ADH5: variants seen among roughly 807,000 people sequenced by gnomAD.
ADH5 encodes the protein alcohol dehydrogenase class-3.
A neutral mutation model predicts 40.3 loss-of-function variants in ADH5; 32 were observed. That is an observed-to-expected ratio of 0.79 (90% CI 0.60 to 1.07). The LOEUF (loss-of-function observed/expected upper bound fraction) is 1.07. Among genes scored for constraint, ADH5 ranks in the 50% least tolerant of loss-of-function variants. The pLI, the probability that ADH5 is intolerant of heterozygous loss-of-function variation, is 0.00. For missense variants in ADH5, 353 were observed against 460.5 expected (o/e 0.77, Z 2.14); for synonymous variants, 125 against 154.3 (o/e 0.81, Z 1.41).
chr4:99,074,968 T>G lies in ADH5; in HGVS notation c.907A>C (p.Thr303Pro). 1 of 1,613,074 alleles carries G rather than the reference T, an allele frequency of 6.2e-7. No homozygotes were observed. Among genetic ancestry groups the G allele is most frequent in the Non-Finnish European group, 8.5e-7 (1 of 1,179,424 alleles). The change falls in exon 7 of 9, where the codon ACT (threonine) becomes CCT (proline). Residue 303 changes from threonine to proline, a missense_variant. Coordinates refer to ENST00000296412, the MANE Select transcript of ADH5 (RefSeq NM_000671.4). ...GVAASGEEIA[T>P]RPFQLVTGRT... is the part of the protein sequence containing the mutation. ...CCTGTTACCAGCTGGAATGGACGAGTGGCAATTTCTTCACCTGAAGCAGCT... is the reference window on the plus strand; with the variant it reads ...CCTGTTACCAGCTGGAATGGACGAGGGGCAATTTCTTCACCTGAAGCAGCT...
chr4:99,082,776 A>C (rs1728051810), intron 2 of ADH5, among the ~76,000 whole-genome samples: 1 of 152,130 alleles, frequency 6.6e-6, no homozygotes, highest in Admixed American at 6.5e-5. Flanking sequence ...TCCTGGGTTC[A>C]AGTGATTCTC....
intron 4 of ADH5, chr4:99,080,610 A>C (rs1728011176): frequency 1.3e-5 from 2 of 152,390 alleles, no homozygotes. Context: ...TGTGAAAAAT[A>C]AATGTTTCTT....
intron 4 of ADH5, 144 bp from the exon 5 acceptor site, chr4:99,077,067 G>T: frequency 1.6e-6 from 1 of 642,246 alleles, no homozygotes; most frequent in Non-Finnish European, 2.7e-6. Context: ...TAGTAATTTA[G>T]CACCTTGCAG....
intron 1 of ADH5, 135 bp downstream of exon 1, chr4:99,088,554 G>A (rs1728196731): frequency 1.1e-6 from 1 of 886,722 alleles, no homozygotes; most frequent in African/African-American, 1.7e-5. Context: ...CCGCTCGCTG[G>A]GGGCCCAGTT....
intron 6 of ADH5, chr4:99,075,973 G>C: frequency 4.3e-6 from 1 of 229,998 alleles, no homozygotes; most frequent in Non-Finnish European, 8.6e-6. Flanking sequence ...TGTTTGTTCA[G>C]GGTCACTGAG....
At chr4:99,075,173 C>T (rs1188155196) in intron 6 of ADH5, 124 bp from the exon 7 acceptor site, 2 of 761,444 alleles carry the variant, frequency 2.6e-6, no homozygotes, top group Non-Finnish European at 4.0e-6. Flanking sequence ...CCAAACTTAA[C>T]ATTTAGTGAG....
rs888476056 is a variant in ADH5 at position 99,076,716 on chromosome 4, C to A, written c.552G>T (p.Val184=). 6.2e-7 allele frequency: 1 copy of A among 1,613,768 alleles called. No individual in the cohort carries two copies. The highest frequency in any genetic ancestry group is 1.1e-5 in the South Asian group (1 of 91,042). The change falls in exon 5 of 9, where the codon GTG becomes GTT. Residue 184 remains valine (V), a synonymous_variant. Transcript: ENST00000296412. The part of the protein sequence containing the change: ...CGISTGYGAA[V]NTAKLEPGSV... ...GTCAGTCTCTTACCTTGGCAGTGTT[C>A]ACAGCAGCACCATAACCGGTTGAAA... is the stretch of plus-strand genomic sequence containing the variant.
intron 7 of ADH5, among the ~76,000 whole-genome samples, chr4:99,073,378 C>A (rs1477667988): frequency 1.3e-5 from 2 of 152,164 alleles, no homozygotes; most frequent in African/African-American, 4.8e-5. Context: ...TGGGGTTTCA[C>A]CATGTTACCC....
At position 99,072,669 on chromosome 4, in the gene ADH5, T is replaced by C; in HGVS notation, c.1004A>G (p.Tyr335Cys). Reference sequence around the variant, plus strand: ...ATCAACTTTTATCTTTTTGGACATATATTCAGACACCAACTTTGGGACACT... The same window carrying C: ...ATCAACTTTTATCTTTTTGGACATACATTCAGACACCAACTTTGGGACACT... Reference protein sequence around the residue: ...VESVPKLVSEYMSKKIKVDEF... With the variant: ...VESVPKLVSECMSKKIKVDEF... Residue 335 changes from tyrosine to cysteine, a missense_variant, in exon 8 of 9, where the codon TAT (tyrosine) becomes TGT (cysteine). Tyr to Cys is a radical substitution (Grantham distance 194). Coordinates refer to ENST00000296412, the MANE Select transcript of ADH5 (RefSeq NM_000671.4). The C allele has an allele frequency of 3.1e-6, 5 of 1,613,194 alleles. No homozygotes were observed. Among genetic ancestry groups the C allele is most frequent in the South Asian group, 1.1e-5 (1 of 90,794 alleles).
At chr4:99,082,615 C>A (rs774746103) in intron 2 of ADH5, among the ~76,000 whole-genome samples, 18 of 152,222 alleles carry the variant, frequency 1.2e-4, no homozygotes, top group Non-Finnish European at 1.9e-4. Context: ...TCCCTTTTTA[C>A]AAACCACATA....
chr4:99,088,695 C>A lies in ADH5; in HGVS notation c.6G>T (p.Ala2=), dbSNP rs772309402. The stretch of plus-strand genomic sequence containing the variant: ...TCCGCTCAACGGGCCCTACCTCGTT[C>A]GCCATGTTCACGGATTCTGGTCGGC... The part of the protein sequence containing the change: M[A]NEVIKCKAAV... Residue 2 remains alanine, a synonymous_variant, in exon 1 of 9, where the codon GCG becomes GCT. Transcript: ENST00000296412. 3 of 1,607,732 alleles carry A rather than the reference C, an allele frequency of 1.9e-6. No individual in the cohort carries two copies. The African/African-American group carries it at 4.0e-5, about 22-fold the overall frequency.
chr4:99,075,002 C>T lies in ADH5; in HGVS notation c.873G>A (p.Val291=). 1 of 1,613,258 alleles carries T rather than the reference C, an allele frequency of 6.2e-7. No individual in the cohort carries two copies. Among genetic ancestry groups the T allele is most frequent in the African/African-American group, 1.3e-5 (1 of 75,016 alleles). Residue 291 remains valine, a synonymous_variant, in exon 7 of 9, where the codon GTG becomes GTA. Transcript: ENST00000296412. ...ACHKGWGVSV[V]VGVAASGEEI... is the part of the protein sequence containing the mutation. The stretch of plus-strand genomic sequence containing the variant: ...CTTCACCTGAAGCAGCTACTCCAAC[C>T]ACGACGCTGACGCCCCAGCCCTTGT...
chr4:99,071,679 G>A lies in ADH5; in HGVS notation c.*738C>T, dbSNP rs1437023039. The A allele has an allele frequency of 6.6e-6, 1 of 152,232 alleles. No homozygotes were observed. The highest frequency in any genetic ancestry group is 1.5e-5 in the Non-Finnish European group (1 of 68,060). The allele number at this position is 152,232 out of a possible 1,614,324, so 9.4% of individuals were successfully genotyped here. On this transcript the variant is annotated 3_prime_UTR_variant, in exon 9 of 9. Transcript: ENST00000296412. ...TTGTGGATAATTGTTACCTCTGGAG[G>A]GGAGGAATGGCAATGTGATCTCGAA...
chr4:99,074,964 C>T lies in ADH5; in HGVS notation c.911G>A (p.Arg304His), dbSNP rs560307792. ...VAASGEEIAT[R>H]PFQLVTGRTW... is the part of the protein sequence containing the mutation. ...GCGACCTGTTACCAGCTGGAATGGA[C>T]GAGTGGCAATTTCTTCACCTGAAGC... Residue 304 changes from arginine (R) to histidine (H), a missense_variant, in exon 7 of 9, where the codon CGT becomes CAT. Coordinates refer to ENST00000296412, the MANE Select transcript of ADH5 (RefSeq NM_000671.4). The T allele has an allele frequency of 1.1e-5, 18 of 1,613,030 alleles. No homozygotes were observed. The highest frequency in any genetic ancestry group is 1.6e-4 in the Middle Eastern group (1 of 6,078).
chr4:99,072,777 A>G, intron 7 of ADH5, 66 bp from the exon 8 acceptor site: 1 of 1,447,284 alleles, frequency 6.9e-7, no homozygotes, highest in Non-Finnish European at 9.4e-7. Context: ...TTAGCTGAGG[A>G]CAAAAGGCAT....
chr4:99,075,489 G>A (rs1727908296), intron 6 of ADH5: 3 of 152,462 alleles, frequency 2.0e-5, no homozygotes, highest in African/African-American at 4.8e-5. Context: ...TTACAGGTGT[G>A]AGCCACCATG....
chr4:99,087,671 C>G (rs557052249), intron 1 of ADH5, among the ~76,000 whole-genome samples: 2 of 152,150 alleles, frequency 1.3e-5, no homozygotes, highest in Admixed American at 6.5e-5. Context: ...TGGAGCCTAA[C>G]CTTTTCCTTT....
intron 4 of ADH5, among the ~76,000 whole-genome samples, chr4:99,081,079 T>C (rs941853570): frequency 6.6e-6 from 1 of 152,198 alleles, no homozygotes; most frequent in Admixed American, 6.5e-5. Context: ...ATAAAACACG[T>C]TGTTCCTTGA....
intron 1 of ADH5, among the ~76,000 whole-genome samples, chr4:99,087,283 G>A (rs893938172): frequency 6.6e-6 from 1 of 151,564 alleles, no homozygotes; most frequent in African/African-American, 2.4e-5. Context: ...TCGGGAGGCT[G>A]AGACAGGAGA....
Sources: allele counts gnomAD v4.1 joint callset (sites outside exome capture counted in the v4.1 genomes callset), GRCh38; gene constraint gnomAD v4.1.1; transcripts MANE v1.5; gene names NCBI Gene and HGNC (gene_info 2026-07-23, HGNC 2026-07-21).